The following ENTREP2 variants were observed in gnomAD, a reference collection of about 807,000 sequenced individuals.
The protein encoded by ENTREP2 is protein ENTREP2.
the ENTREP2 span, among the ~76,000 whole-genome samples, chr15:29,186,525 T>C: frequency 6.6e-6 from 1 of 152,286 alleles, no homozygotes; most frequent in South Asian, 2.1e-4. Context: ...AAAGCTGTGT[T>C]TGCACAGCAC....
At chr15:29,626,177 G>T in the ENTREP2 span, among the ~76,000 whole-genome samples, 1 of 152,152 alleles carries the variant, frequency 6.6e-6, no homozygotes, top group Non-Finnish European at 1.5e-5. Context: ...TGTTGATCTT[G>T]TATCTTCAAA....
the ENTREP2 span, among the ~76,000 whole-genome samples, chr15:29,463,857 A>G: frequency 0.45 from 67,732 of 151,948 alleles, 17,168 homozygotes; most frequent in African/African-American, 0.71. Context: ...CAGACACACC[A>G]TGGAATATTA....
At chr15:29,135,979 T>A in the ENTREP2 span, among the ~76,000 whole-genome samples, 4,407 of 152,190 alleles carry the variant, frequency 0.029, 190 homozygotes, top group African/African-American at 0.095. The surrounding 1 kb of genome is among the most constrained non-coding windows in gnomAD (Gnocchi z 7.4). Flanking sequence ...CAGGTCCTTT[T>A]ACCTGGATCC....
chr15:29,656,730 TC>T, the ENTREP2 span, among the ~76,000 whole-genome samples: 2 of 152,148 alleles, frequency 1.3e-5, no homozygotes, highest in African/African-American at 4.8e-5. Flanking sequence ...CAACAGACTC[TC>T]TCATATCTTA....
the ENTREP2 span, among the ~76,000 whole-genome samples, chr15:29,146,631 A>G: frequency 6.6e-6 from 1 of 152,204 alleles, no homozygotes; most frequent in Non-Finnish European, 1.5e-5. Context: ...CAATGAACTC[A>G]AAATGGTCTA....
At chr15:29,603,391 T>A in the ENTREP2 span, among the ~76,000 whole-genome samples, 14 of 152,240 alleles carry the variant, frequency 9.2e-5, no homozygotes, top group African/African-American at 3.4e-4. Flanking sequence ...TTCTGAACAG[T>A]TGGGGTTTTC....
chr15:29,205,056 G>C, the ENTREP2 span, among the ~76,000 whole-genome samples: 1 of 152,130 alleles, frequency 6.6e-6, no homozygotes, highest in South Asian at 2.1e-4. Flanking sequence ...GGTACCTCCT[G>C]CAAGTGGAAT....
the ENTREP2 span, chr15:29,233,620 A>G: frequency 1.4e-6 from 1 of 719,084 alleles, no homozygotes. Context: ...AAATGCTATG[A>G]AAGGTGTGCG....
the ENTREP2 span, among the ~76,000 whole-genome samples, chr15:29,324,589 A>G: frequency 6.6e-6 from 1 of 152,222 alleles, no homozygotes; most frequent in Non-Finnish European, 1.5e-5. Flanking sequence ...TATGCTAATC[A>G]AAAGGAAGTT....
At chr15:29,665,528 A>T in the ENTREP2 span, among the ~76,000 whole-genome samples, 1 of 152,160 alleles carries the variant, frequency 6.6e-6, no homozygotes, top group Non-Finnish European at 1.5e-5. Flanking sequence ...CACCCCTCTG[A>T]ATCTCCTCGT....
At chr15:29,138,650 T>C in the ENTREP2 span, among the ~76,000 whole-genome samples, 2 of 151,938 alleles carry the variant, frequency 1.3e-5, no homozygotes, top group Admixed American at 1.3e-4. Context: ...TGTGTATGTG[T>C]ATGTGCATGT....
chr15:29,289,112 TG>T, the ENTREP2 span, among the ~76,000 whole-genome samples: 4 of 147,072 alleles, frequency 2.7e-5, no homozygotes, highest in East Asian at 6.0e-4. Context: ...AAGGCTGAGG[TG>T]GGAGGATTGC....
At chr15:29,452,066 G>A in the ENTREP2 span, among the ~76,000 whole-genome samples, 1 of 152,164 alleles carries the variant, frequency 6.6e-6, no homozygotes, top group Non-Finnish European at 1.5e-5. Context: ...TAAAATGCAT[G>A]TTTTCTAAGC....
the ENTREP2 span, among the ~76,000 whole-genome samples, chr15:29,568,326 C>T: frequency 6.6e-6 from 1 of 152,074 alleles, no homozygotes; most frequent in Admixed American, 6.6e-5. Context: ...ATTGTTGATC[C>T]CCAGACCCTA....
chr15:29,618,349 G>A, the ENTREP2 span, among the ~76,000 whole-genome samples: 1 of 151,840 alleles, frequency 6.6e-6, no homozygotes. Flanking sequence ...ATTGAACCCG[G>A]GAGGCGGAGG....
At chr15:29,241,861 C>CG in the ENTREP2 span, among the ~76,000 whole-genome samples, 1 of 151,968 alleles carries the variant, frequency 6.6e-6, no homozygotes, top group African/African-American at 2.4e-5. Context: ...AGTGAGACCC[C>CG]CCCCCACCAC....
the ENTREP2 span, among the ~76,000 whole-genome samples, chr15:29,640,834 CTGA>C: frequency 1.3e-5 from 2 of 152,146 alleles, no homozygotes; most frequent in Non-Finnish European, 2.9e-5. Context: ...TCCTATGAGC[CTGA>C]TAATAGCCCA....
At chr15:29,345,872 G>A in the ENTREP2 span, among the ~76,000 whole-genome samples, 17 of 152,190 alleles carry the variant, frequency 1.1e-4, no homozygotes, top group African/African-American at 3.1e-4. Context: ...GCACGTCCCC[G>A]TGAGGCAAGA....
the ENTREP2 span, among the ~76,000 whole-genome samples, chr15:29,500,600 T>C: frequency 5.8e-3 from 884 of 152,108 alleles, 7 homozygotes; most frequent in African/African-American, 0.02. Flanking sequence ...TTAATCCATT[T>C]GAATAAAAGC....
Sources: allele counts gnomAD v4.1 joint callset (sites outside exome capture counted in the v4.1 genomes callset), GRCh38; gene constraint gnomAD v4.1.1; non-coding constraint Gnocchi (gnomAD v3.1); transcripts MANE v1.5; gene names NCBI Gene and HGNC (gene_info 2026-07-23, HGNC 2026-07-21).